The following TANGO6 variants were observed in gnomAD, a reference collection of about 807,000 sequenced individuals.
TANGO6 encodes the protein transport and Golgi organization protein 6 homolog.
In TANGO6, 90 loss-of-function variants were observed where a neutral mutation model predicts 114.2. The ratio of observed to expected loss-of-function variants is 0.79; its 90% CI spans 0.66 to 0.94. TANGO6 has a LOEUF of 0.94. TANGO6 is among the 40% of genes least tolerant of loss of function. The pLI, the probability that TANGO6 is intolerant of heterozygous loss-of-function variation, is 0.00. For missense variants in TANGO6, 1,274 were observed against 1,315.3 expected, an observed-to-expected ratio of 0.97 and a Z score of 0.49; for synonymous variants, 477 against 509.8, an observed-to-expected ratio of 0.94 and a Z score of 0.87.
In TANGO6 at chr16:69,040,395, C is replaced by CG; in HGVS notation, c.3086dup (p.Leu1030ThrfsTer7). ...CATACATGTGGTTGTGCTGCTGCTT[C>CG]GGGGACTCAGCCAGAAAGCTACTGA... On this transcript the variant is annotated frameshift_variant, in exon 17 of 18. Coordinates refer to ENST00000261778, the MANE Select transcript of TANGO6 (RefSeq NM_024562.2). LOFTEE classifies it high-confidence loss of function. 6.2e-7 allele frequency: 1 copy of CG among 1,605,780 alleles called. No individual in the cohort carries two copies. The highest frequency in any genetic ancestry group is 8.5e-7 in the Non-Finnish European group (1 of 1,176,368).
chr16:68,983,894 G>A (rs892579245), intron 15 of TANGO6, among the ~76,000 whole-genome samples: 1 of 152,052 alleles, frequency 6.6e-6, no homozygotes, highest in Admixed American at 6.6e-5. Context: ...TTAGCCAGTC[G>A]TGTTGGCGGG....
rs759873137 is a variant in TANGO6 at position 68,919,065 on chromosome 16, C to T, written c.1993-20C>T. 8.8e-6 allele frequency: 14 copies of T among 1,596,242 alleles called. No homozygotes were observed. The highest frequency in any genetic ancestry group is 4.0e-5 in the African/African-American group (3 of 74,094). On this transcript the variant is annotated intron_variant, in intron 11 of 17. Coordinates refer to ENST00000261778, the MANE Select transcript of TANGO6 (RefSeq NM_024562.2). ...TTTTTTTTCATTCCTCATTGATTCT[C>T]AATTCCCTTTTTTGGGTAGGTGGTG... is the stretch of plus-strand genomic sequence containing the variant.
intron 14 of TANGO6, among the ~76,000 whole-genome samples, chr16:68,948,917 T>C (rs563309369): frequency 9.8e-5 from 15 of 152,348 alleles, no homozygotes; most frequent in African/African-American, 3.4e-4. Context: ...CTGGGTGCGG[T>C]GGCTCACGCC....
intron 3 of TANGO6, among the ~76,000 whole-genome samples, chr16:68,863,889 C>G (rs972886746): frequency 6.6e-6 from 1 of 151,830 alleles, no homozygotes; most frequent in African/African-American, 2.4e-5. Flanking sequence ...TAATGTTTAT[C>G]TGAGGCCGGG....
At chr16:68,939,053 C>T (rs1442204615) in intron 14 of TANGO6, among the ~76,000 whole-genome samples, 1 of 114,540 alleles carries the variant, frequency 8.7e-6, no homozygotes, top group Non-Finnish European at 1.7e-5. Flanking sequence ...GCCTGGGTGA[C>T]AGAGTGAGAC....
At chr16:69,010,497 T>A (rs1964133996) in intron 15 of TANGO6, among the ~76,000 whole-genome samples, 1 of 152,192 alleles carries the variant, frequency 6.6e-6, no homozygotes, top group Admixed American at 6.6e-5. Context: ...TGCAGTTACC[T>A]GGTACAGTTG....
At chr16:69,040,508 A>G in intron 17 of TANGO6, 87 bp downstream of exon 17, 1 of 1,077,176 alleles carries the variant, frequency 9.3e-7, no homozygotes, top group South Asian at 1.4e-5. Context: ...AAGGCCTCAA[A>G]CCTCTTTCCT....
intron 16 of TANGO6, among the ~76,000 whole-genome samples, chr16:69,031,239 T>C (rs1407003826): frequency 6.6e-6 from 1 of 151,940 alleles, no homozygotes; most frequent in Non-Finnish European, 1.5e-5. Context: ...ATTAGCAAAT[T>C]GTGAGCACAA....
chr16:68,863,038 A>G lies in TANGO6; in HGVS notation c.829A>G (p.Ile277Val). 1 of 1,585,094 alleles carries G rather than the reference A, an allele frequency of 6.3e-7. No individual in the cohort carries two copies. The highest frequency in any genetic ancestry group is 8.6e-7 in the Non-Finnish European group (1 of 1,165,744). Residue 277 changes from isoleucine (I) to valine (V), a missense_variant, in exon 3 of 18, where the codon ATC becomes GTC. Ile to Val is a conservative substitution (Grantham distance 29). This residue lies in a region of TANGO6 where 908 missense variants were observed against 910.2 expected (regional missense o/e 1.00). Coordinates refer to ENST00000261778, the MANE Select transcript of TANGO6 (RefSeq NM_024562.2). ...YQPLAVRELLILQGGPPQSCT... is the reference protein window; with the variant it reads ...YQPLAVRELLVLQGGPPQSCT... ...GCCCTTAGCAGTCCGGGAACTGCTT[A>G]TCCTCCAGGGAGGACCACCCCAGGT...
At chr16:68,921,549 TG>T (rs1321245280) in intron 12 of TANGO6, among the ~76,000 whole-genome samples, 4 of 150,898 alleles carry the variant, frequency 2.7e-5, no homozygotes, top group Non-Finnish European at 4.4e-5. Context: ...TGTTTTGTTT[TG>T]TTTTTTTTTG....
At chr16:68,905,313 G>A (rs1207744646) in intron 9 of TANGO6, among the ~76,000 whole-genome samples, 1 of 151,160 alleles carries the variant, frequency 6.6e-6, no homozygotes, top group Non-Finnish European at 1.5e-5. Context: ...TGAGGTGGGT[G>A]GATCACGAGG....
At chr16:68,863,644 A>T (rs1283366926) in intron 3 of TANGO6, among the ~76,000 whole-genome samples, 1 of 152,178 alleles carries the variant, frequency 6.6e-6, no homozygotes, top group Non-Finnish European at 1.5e-5. Flanking sequence ...TATGTGAGAT[A>T]TATTTTATTC....
chr16:69,016,099 T>C (rs1959293550), intron 15 of TANGO6, among the ~76,000 whole-genome samples: 1 of 152,098 alleles, frequency 6.6e-6, no homozygotes, highest in Non-Finnish European at 1.5e-5. Context: ...CTGCTGGAAA[T>C]TTTATTATTT....
chr16:69,074,998 G>A (rs1047293161), intron 17 of TANGO6, among the ~76,000 whole-genome samples: 7 of 151,814 alleles, frequency 4.6e-5, no homozygotes, highest in Non-Finnish European at 5.9e-5. Flanking sequence ...ACAGGCATGC[G>A]CCACTACGCC....
At chr16:68,892,447 GC>G (rs1962635920) in intron 7 of TANGO6, among the ~76,000 whole-genome samples, 1 of 151,980 alleles carries the variant, frequency 6.6e-6, no homozygotes, top group African/African-American at 2.4e-5. Context: ...CTCTGACTTT[GC>G]CCCTCAGCTC....
At chr16:68,976,160 C>G (rs1001891502) in intron 15 of TANGO6, among the ~76,000 whole-genome samples, 6 of 152,108 alleles carry the variant, frequency 3.9e-5, no homozygotes, top group African/African-American at 1.4e-4. Context: ...TCTTGAACTC[C>G]TGGCCTCAAG....
intron 6 of TANGO6, among the ~76,000 whole-genome samples, 175 bp from the exon 7 acceptor site, chr16:68,880,373 G>A (rs1199622734): frequency 1.3e-5 from 2 of 152,154 alleles, no homozygotes; most frequent in African/African-American, 4.8e-5. Flanking sequence ...ATAATCAGTG[G>A]CATCATATAT....
At chr16:68,986,819 T>C (rs1332470810) in intron 15 of TANGO6, among the ~76,000 whole-genome samples, 2 of 152,116 alleles carry the variant, frequency 1.3e-5, no homozygotes, top group East Asian at 3.9e-4. Flanking sequence ...GCAGGAGAAT[T>C]GCTTGAACCT....
intron 17 of TANGO6, among the ~76,000 whole-genome samples, chr16:69,050,112 G>A (rs1247479232): frequency 6.6e-6 from 1 of 151,990 alleles, no homozygotes; most frequent in Non-Finnish European, 1.5e-5. Flanking sequence ...GAATTGTTGG[G>A]TCATATGGTA....
Sources: allele counts gnomAD v4.1 joint callset (sites outside exome capture counted in the v4.1 genomes callset), GRCh38; gene constraint gnomAD v4.1.1; regional missense constraint gnomAD v4.1.1; transcripts MANE v1.5; gene names NCBI Gene and HGNC (gene_info 2026-07-23, HGNC 2026-07-21).